The following SORBS3 variants were observed in gnomAD, a reference collection of about 807,000 sequenced individuals.
The protein encoded by SORBS3 is vinexin.
A neutral mutation model predicts 98.0 loss-of-function variants in SORBS3; 69 were observed. That is an observed-to-expected ratio of 0.70 (90% confidence interval 0.58 to 0.86). SORBS3 has a LOEUF of 0.86. SORBS3 is among the 40% of genes least tolerant of loss of function. The probability of loss-of-function intolerance (pLI) is 0.00; values close to 1 mark genes in which losing one functional copy is unlikely to be tolerated. For synonymous variants in SORBS3, 394 were observed against 355.4 expected (o/e 1.11, Z -1.22); for missense variants, 954 against 908.5 (o/e 1.05, Z -0.64).
In SORBS3 at chr8:22,554,276, G is replaced by C; in HGVS notation, c.-55-176G>C. ...GTGCCCCTGGGAGCCGGCAGGCACGGGCAGCCTGCAGGCGGGTGCCTGGCG... is the reference window on the plus strand; with the variant it reads ...GTGCCCCTGGGAGCCGGCAGGCACGCGCAGCCTGCAGGCGGGTGCCTGGCG... On this transcript the variant is annotated intron_variant, in intron 1 of 20. Transcript: ENST00000240123. This position sits in a 1 kb window ranked among gnomAD's most constrained non-coding sequence, Gnocchi z 6.5. 1.8e-6 allele frequency: 1 copy of C among 543,768 alleles called. No homozygotes were observed. The highest frequency in any genetic ancestry group is 3.0e-6 in the Non-Finnish European group (1 of 327,994). 33.7% of individuals were successfully genotyped at this position (543,768 alleles called of 1,614,324 possible). A position where few individuals can be genotyped will look rare whatever the true frequency, so the allele number is the denominator to read the frequency against.
intron 18 of SORBS3, 106 bp from the exon 19 acceptor site, chr8:22,571,612 G>A: frequency 1.3e-6 from 1 of 793,224 alleles, no homozygotes; most frequent in South Asian, 1.5e-5. Context: ...TGTAAGGCGT[G>A]CTGGCAGGTG....
chr8:22,565,022 C>A, intron 10 of SORBS3: 2 of 1,393,394 alleles, frequency 1.4e-6, no homozygotes, highest in Non-Finnish European at 1.9e-6. Flanking sequence ...GGCAGGACTG[C>A]GGAATCGCGG....
intron 3 of SORBS3, among the ~76,000 whole-genome samples, 184 bp downstream of exon 3, chr8:22,555,164 A>G (rs956038458): frequency 6.6e-6 from 1 of 152,214 alleles, no homozygotes; most frequent in African/African-American, 2.4e-5. Flanking sequence ...ACTCTGCAAG[A>G]GACACCCGCT....
intron 11 of SORBS3, 197 bp from the exon 12 acceptor site, chr8:22,565,629 G>A: frequency 9.4e-7 from 1 of 1,064,452 alleles, no homozygotes; most frequent in Non-Finnish European, 1.2e-6. Flanking sequence ...CGGCCCCCGG[G>A]CCCCAGCCTC....
chr8:22,564,489 G>A lies in SORBS3; in HGVS notation c.784G>A (p.Asp262Asn), dbSNP rs3758037. 263 of 1,614,072 alleles carry A rather than the reference G, an allele frequency of 1.6e-4. 1 individual carries two copies. In the East Asian group the frequency reaches 5.6e-3, roughly 34 times the overall value. Residue 262 changes from aspartate to asparagine, a missense_variant, in exon 10 of 21, where the codon GAC (aspartate) becomes AAC (asparagine). Asp to Asn is a conservative substitution (Grantham distance 23). Transcript: ENST00000240123. ...TCAGCCCAAGAAACCGCTGGTGGACGACCCTGGTGAGAAGCCCTCCCAGCC... is the reference window on the plus strand; with the variant it reads ...TCAGCCCAAGAAACCGCTGGTGGACAACCCTGGTGAGAAGCCCTCCCAGCC... ...GQRPKKPLVD[D>N]PGEKPSQPIE...
chr8:22,564,401 G>C (rs140275042), intron 9 of SORBS3, 32 bp downstream of exon 9: 1 of 1,611,810 alleles, frequency 6.2e-7, no homozygotes, highest in Admixed American at 1.7e-5. Context: ...GGGTGTGCAC[G>C]CACCCTCAGC....
At chr8:22,566,776 C>A in intron 14 of SORBS3, 46 bp from the exon 15 acceptor site, 1 of 1,613,708 alleles carries the variant, frequency 6.2e-7, no homozygotes, top group Admixed American at 1.7e-5. Context: ...CTGGATCTGC[C>A]ACCCGCCCAA....
chr8:22,571,099 C>A lies in SORBS3; in HGVS notation c.1621C>A (p.Arg541Ser). 6.2e-7 allele frequency: 1 copy of A among 1,610,642 alleles called. No individual in the cohort carries two copies. Among genetic ancestry groups the A allele is most frequent in the Non-Finnish European group, 8.5e-7 (1 of 1,179,342 alleles). Residue 541 changes from arginine (R) to serine (S), a missense_variant, in exon 18 of 21, where the codon CGT becomes AGT. Transcript: ENST00000240123. The part of the protein sequence containing the change: ...PRLTAAARSA[R>S]HPSSPSALRS... ...CCTGACCGCTGCCGCCCGCTCAGCC[C>A]GTCACCCCAGCTCCCCCTCAGCCCT... is the stretch of plus-strand genomic sequence containing the variant.
chr8:22,569,486 C>G (rs1172279863), intron 17 of SORBS3, among the ~76,000 whole-genome samples: 1 of 152,096 alleles, frequency 6.6e-6, no homozygotes, highest in Non-Finnish European at 1.5e-5. Context: ...ACTACAGGCA[C>G]GCGCCACAAC....
intron 7 of SORBS3, among the ~76,000 whole-genome samples, chr8:22,562,836 G>GC (rs1840323148): frequency 6.6e-6 from 1 of 152,234 alleles, no homozygotes; most frequent in South Asian, 2.1e-4. Flanking sequence ...TGATTACAAG[G>GC]CTGGGTGTGG....
chr8:22,553,415 A>AGACGCGGAGGGATGGACGCC (rs1840123805), intron 1 of SORBS3, among the ~76,000 whole-genome samples: 1 of 152,198 alleles, frequency 6.6e-6, no homozygotes, highest in Non-Finnish European at 1.5e-5. Flanking sequence ...CCAGCAGCCA[A>AGACGCGGAGGGATGGACGCC]GACGCGGAGG....
intron 7 of SORBS3, among the ~76,000 whole-genome samples, chr8:22,562,440 C>T (rs1840316502): frequency 6.6e-6 from 1 of 152,238 alleles, no homozygotes. Context: ...AAACCACAGG[C>T]TCCGCCCGGC....
intron 4 of SORBS3, among the ~76,000 whole-genome samples, chr8:22,557,396 C>T (rs1294529673): frequency 6.6e-6 from 1 of 152,192 alleles, no homozygotes; most frequent in African/African-American, 2.4e-5. Context: ...CTTGAGCCAG[C>T]TCCATTTTCT....
chr8:22,554,747 C>A lies in SORBS3; in HGVS notation c.103-116C>A. ...TCTGGGGGGCCTCGCTGGTTTCCCA[C>A]AAAATCGTCAGGCGGGCCTGGGACT... is the stretch of plus-strand genomic sequence containing the variant. On this transcript the variant is annotated intron_variant, in intron 2 of 20. Coordinates refer to ENST00000240123, the MANE Select transcript of SORBS3 (RefSeq NM_005775.5). The surrounding 1 kb of genome is among the most constrained non-coding windows in gnomAD (Gnocchi z 6.5). 1 of 1,373,118 alleles carries A rather than the reference C, an allele frequency of 7.3e-7. No individual in the cohort carries two copies. The highest frequency in any genetic ancestry group is 9.9e-7 in the Non-Finnish European group (1 of 1,009,032). The allele number at this position is 1,373,118 out of a possible 1,614,324, so 85.1% of individuals were successfully genotyped here.
chr8:22,551,792 C>G (rs1586886537), upstream of SORBS3: 7 of 985,780 alleles, frequency 7.1e-6, no homozygotes, highest in Middle Eastern at 5.2e-4. This position sits in a 1 kb window ranked among gnomAD's most constrained non-coding sequence, Gnocchi z 5.8. Flanking sequence ...TCCGCCCGCC[C>G]CGCCGCGCGA....
intron 1 of SORBS3, among the ~76,000 whole-genome samples, chr8:22,546,485 A>G (rs1840017184): frequency 6.6e-6 from 1 of 152,164 alleles, no homozygotes; most frequent in Non-Finnish European, 1.5e-5. Flanking sequence ...TAAAGCAGCT[A>G]TGGTTGGCCA....
In SORBS3 at chr8:22,574,724, T is replaced by A. The variant is rs751871648; in HGVS notation, c.2012T>A (p.Val671Glu). 3 of 1,611,084 alleles carry A rather than the reference T, an allele frequency of 1.9e-6. No homozygotes were observed. Among genetic ancestry groups the A allele is most frequent in the Non-Finnish European group, 2.5e-6 (3 of 1,177,926 alleles). Reference protein sequence around the residue: ...GTFPGNYVAPV With the variant: ...GTFPGNYVAPE ...TTCCCTGGAAATTACGTTGCCCCGG[T>A]GTGAGTGGTCTCCATGGCAACTTGG... The change falls in exon 21 of 21, where the codon GTG becomes GAG. Residue 671 changes from valine (V) to glutamate (E), a missense_variant. By Grantham distance (121) the Val-to-Glu change is moderately radical (BLOSUM62 -2). Coordinates refer to ENST00000240123, the MANE Select transcript of SORBS3 (RefSeq NM_005775.5).
upstream of SORBS3, among the ~76,000 whole-genome samples, chr8:22,547,864 G>A (rs541461893): frequency 2.0e-5 from 3 of 152,362 alleles, no homozygotes; most frequent in East Asian, 5.8e-4. Flanking sequence ...TGTGATGTCA[G>A]TATCAAAACT....
At chr8:22,572,754 A>AC (rs1840623368) in intron 20 of SORBS3, among the ~76,000 whole-genome samples, 1 of 151,960 alleles carries the variant, frequency 6.6e-6, no homozygotes, top group Admixed American at 6.5e-5. Context: ...CCTCCTGCAC[A>AC]CCCCTGCCTC....
Sources: gnomAD v4.1 joint callset for allele counts (sites outside exome capture counted in the v4.1 genomes callset) on GRCh38, gnomAD v4.1.1 for gene constraint, Gnocchi (gnomAD v3.1) non-coding constraint, MANE v1.5 for transcripts, NCBI Gene and HGNC (gene_info 2026-07-23, HGNC 2026-07-21) for gene names.